Variants in LNX2 observed in about 807,000 individuals in gnomAD.
LNX2 encodes ligand of Numb protein X 2.
LNX2 carries 35 observed loss-of-function variants against 66.2 expected under a neutral mutation model. That is an observed-to-expected ratio of 0.53 (90% CI 0.40 to 0.70). LNX2 has a LOEUF of 0.70. Ranked by LOEUF, LNX2 falls within the 30% of genes least tolerant of loss-of-function variation. The pLI is 0.00. For missense variants in LNX2, 791 were observed against 850.8 expected, an observed-to-expected ratio of 0.93 and a Z score of 0.87; for synonymous variants, 337 against 315.6, an observed-to-expected ratio of 1.07 and a Z score of -0.72.
At chr13:27,601,216 A>T (rs1955654276) in intron 1 of LNX2, among the ~76,000 whole-genome samples, 1 of 152,226 alleles carries the variant, frequency 6.6e-6, no homozygotes, top group African/African-American at 2.4e-5. Flanking sequence ...AGGGATTAAA[A>T]ACAACTAGGC....
chr13:27,554,453 T>G (rs1955036750), intron 7 of LNX2, among the ~76,000 whole-genome samples: 1 of 152,244 alleles, frequency 6.6e-6, no homozygotes, highest in South Asian at 2.1e-4. Flanking sequence ...CTCTACAGAT[T>G]TGCCTCTTCT....
chr13:27,558,409 G>C (rs1482690599), intron 6 of LNX2, among the ~76,000 whole-genome samples: 2 of 151,984 alleles, frequency 1.3e-5, no homozygotes, highest in East Asian at 3.8e-4. Context: ...GCATAGTTAT[G>C]ACAGAAAAAT....
chr13:27,597,090 C>T (rs1296921103), intron 1 of LNX2, among the ~76,000 whole-genome samples: 1 of 152,154 alleles, frequency 6.6e-6, no homozygotes, highest in African/African-American at 2.4e-5. Flanking sequence ...TAAGGCCTAT[C>T]CTTATCAGAA....
chr13:27,594,017 G>A (rs951632848), intron 1 of LNX2, among the ~76,000 whole-genome samples: 7 of 152,014 alleles, frequency 4.6e-5, no homozygotes, highest in Non-Finnish European at 1.0e-4. Context: ...CAAAGTGAAA[G>A]GAAGACTTCT....
chr13:27,618,802 GAC>G (rs1370298738), intron 1 of LNX2, among the ~76,000 whole-genome samples: 1 of 152,186 alleles, frequency 6.6e-6, no homozygotes, highest in Non-Finnish European at 1.5e-5. Context: ...ACAGCCCAAA[GAC>G]ACATACATTT....
At chr13:27,576,251 A>G (rs1395608491) in intron 2 of LNX2, among the ~76,000 whole-genome samples, 1 of 152,238 alleles carries the variant, frequency 6.6e-6, no homozygotes. Flanking sequence ...CTCGACTTTC[A>G]ATACTAACAG....
intron 5 of LNX2, among the ~76,000 whole-genome samples, chr13:27,560,392 T>C (rs1033229036): frequency 1.3e-5 from 2 of 152,090 alleles, no homozygotes; most frequent in African/African-American, 2.4e-5. Context: ...TTAAAGTCCA[T>C]TGTGACTTTT....
chr13:27,567,596 T>C, intron 4 of LNX2, 44 bp downstream of exon 4: 1 of 1,543,018 alleles, frequency 6.5e-7, no homozygotes, highest in Non-Finnish European at 9.0e-7. Context: ...GTGTTAAGAA[T>C]GGAACAAAAA....
chr13:27,620,139 C>T (rs1312808430), intron 1 of LNX2, among the ~76,000 whole-genome samples: 4 of 149,812 alleles, frequency 2.7e-5, no homozygotes, highest in Admixed American at 6.6e-5. Context: ...CGGCGGGCAC[C>T]GGGCGCCGAC....
At position 27,569,193 on chromosome 13, in the gene LNX2, C is replaced by G. The variant is rs764852208; in HGVS notation, c.491G>C (p.Gly164Ala). 2.5e-6 allele frequency: 4 copies of G among 1,612,566 alleles called. No individual in the cohort carries two copies. In the East Asian group the frequency reaches 6.7e-5, roughly 27 times the overall value. Residue 164 changes from glycine (G) to alanine (A), a missense_variant, in exon 3 of 10, where the codon GGG becomes GCG. By Grantham distance (60) the Gly-to-Ala change is moderately conservative. Coordinates refer to ENST00000316334, the MANE Select transcript of LNX2 (RefSeq NM_153371.4). ...RTQAEIENEN[G>A]PTLLDPAGTL... ...ACCTGCAGGATCTAGTAGAGTGGGC[C>G]CATTTTCATTCTCAATCTCTGCTTG...
intron 2 of LNX2, among the ~76,000 whole-genome samples, 155 bp from the exon 3 acceptor site, chr13:27,569,431 T>G (rs1955250541): frequency 6.6e-6 from 1 of 152,178 alleles, no homozygotes; most frequent in South Asian, 2.1e-4. Context: ...CCACTCACAC[T>G]AAGTTCTTAC....
intron 2 of LNX2, among the ~76,000 whole-genome samples, chr13:27,581,012 C>G (rs1955390975): frequency 6.6e-6 from 1 of 152,156 alleles, no homozygotes; most frequent in Admixed American, 6.5e-5. Context: ...AAGAATCTAT[C>G]ATAATATCCT....
At chr13:27,583,239 T>TGCGCGCGCGCGCGC (rs1955435427) in intron 1 of LNX2, among the ~76,000 whole-genome samples, 2 of 17,692 alleles carry the variant, frequency 1.1e-4, no homozygotes, top group Admixed American at 6.1e-4. Flanking sequence ...TGTGTGTGTG[T>TGCGCGCGCGCGCGC]GTGTGTGTGT....
chr13:27,566,497 C>T (rs1027180101), intron 4 of LNX2, among the ~76,000 whole-genome samples: 1 of 152,078 alleles, frequency 6.6e-6, no homozygotes, highest in East Asian at 1.9e-4. Context: ...TAGAAGAGAC[C>T]GTGGAGGACC....
chr13:27,595,743 ATC>A (rs564045856), intron 1 of LNX2, among the ~76,000 whole-genome samples: 11 of 151,808 alleles, frequency 7.2e-5, no homozygotes, highest in African/African-American at 1.9e-4. Flanking sequence ...AACCATTCAA[ATC>A]TCTCTGTTTC....
chr13:27,578,255 A>G (rs527514456), intron 2 of LNX2, among the ~76,000 whole-genome samples: 61 of 152,338 alleles, frequency 4.0e-4, no homozygotes, highest in African/African-American at 1.1e-3. Context: ...TGTAAACCCT[A>G]AAAGCTCAAG....
At position 27,581,343 on chromosome 13, in the gene LNX2, T is replaced by C. The variant is rs1453324402; in HGVS notation, c.361A>G (p.Lys121Glu). The C allele has an allele frequency of 2.6e-6, 4 of 1,553,420 alleles. No individual in the cohort carries two copies. The highest frequency in any genetic ancestry group is 1.4e-5 in the African/African-American group (1 of 72,998). Reference protein sequence around the residue: ...LVLCPFSSVCKDVMQRCDLEA... With the variant: ...LVLCPFSSVCEDVMQRCDLEA... Reference sequence around the variant, plus strand: ...AGATCACAACGTTGCATTACATCTTTGCACACTGAAGAAAATGGACATAAA... The same window carrying C: ...AGATCACAACGTTGCATTACATCTTCGCACACTGAAGAAAATGGACATAAA... Residue 121 changes from lysine to glutamate, a missense_variant, in exon 2 of 10, where the codon AAA (lysine) becomes GAA (glutamate). Coordinates refer to ENST00000316334, the MANE Select transcript of LNX2 (RefSeq NM_153371.4).
intron 2 of LNX2, among the ~76,000 whole-genome samples, chr13:27,574,369 G>A (rs747082143): frequency 1.4e-4 from 22 of 152,066 alleles, no homozygotes; most frequent in Non-Finnish European, 2.8e-4. Context: ...CTGAAATTGC[G>A]CCATTGCACT....
intron 2 of LNX2, among the ~76,000 whole-genome samples, chr13:27,580,630 T>C (rs1955386713): frequency 6.6e-6 from 1 of 152,206 alleles, no homozygotes; most frequent in South Asian, 2.1e-4. Flanking sequence ...AAAAAGCTTT[T>C]ATGAGAACAG....
Sources: allele counts gnomAD v4.1 joint callset (sites outside exome capture counted in the v4.1 genomes callset), GRCh38; gene constraint gnomAD v4.1.1; transcripts MANE v1.5; gene names NCBI Gene and HGNC (gene_info 2026-07-23, HGNC 2026-07-21).